Variants in FAM184A observed in about 807,000 individuals in gnomAD.
The protein encoded by FAM184A is family with sequence similarity 184 member A.
Under a neutral mutation model 143.8 loss-of-function variants are expected in FAM184A, and 99 were observed. The observed-to-expected ratio is 0.69, with a 90% CI of 0.58 to 0.81. FAM184A has a LOEUF of 0.81. FAM184A is among the 40% of genes least tolerant of loss of function. The pLI is 0.00. For synonymous variants in FAM184A, 427 were observed against 446.4 expected (o/e 0.96, Z 0.55); for missense variants, 1,217 against 1,310.5 (o/e 0.93, Z 1.10).
At chr6:119,101,571 A>G (rs965306943) in intron 1 of FAM184A, among the ~76,000 whole-genome samples, 3 of 152,196 alleles carry the variant, frequency 2.0e-5, no homozygotes, top group African/African-American at 7.2e-5. Flanking sequence ...CACCATACCC[A>G]CATTTGTCTT....
At chr6:119,057,832 CTCTCT>C (rs1248133017) in intron 1 of FAM184A, 1 of 125,414 alleles carries the variant, frequency 8.0e-6, no homozygotes, top group Non-Finnish European at 1.6e-5. Flanking sequence ...ACATTACCAA[CTCTCT>C]TCTGTGTTTT....
chr6:119,014,810 G>A (rs1441863274), intron 5 of FAM184A, among the ~76,000 whole-genome samples: 1 of 152,184 alleles, frequency 6.6e-6, no homozygotes, highest in Admixed American at 6.5e-5. Context: ...TATAATTCCA[G>A]CATTTTGGGA....
intron 1 of FAM184A, among the ~76,000 whole-genome samples, chr6:119,049,162 C>T (rs1786648001): frequency 2.0e-5 from 3 of 152,130 alleles, no homozygotes; most frequent in South Asian, 2.1e-4. Flanking sequence ...AAAACAGACA[C>T]ATACGCCAGG....
chr6:119,070,375 C>A (rs1787637316), intron 1 of FAM184A, among the ~76,000 whole-genome samples: 1 of 151,930 alleles, frequency 6.6e-6, no homozygotes, highest in Non-Finnish European at 1.5e-5. Context: ...TTAAGCATAC[C>A]AAAATACAAC....
chr6:119,030,440 T>A (rs187317396), intron 1 of FAM184A, among the ~76,000 whole-genome samples: 96 of 152,082 alleles, frequency 6.3e-4, no homozygotes, highest in Non-Finnish European at 8.8e-5. Context: ...ATATAAAAAT[T>A]CCCTATGTTC....
At chr6:118,964,165 A>G (rs182712517) in intron 16 of FAM184A, among the ~76,000 whole-genome samples, 3 of 152,186 alleles carry the variant, frequency 2.0e-5, no homozygotes, top group African/African-American at 7.2e-5. Flanking sequence ...TCTCCAAAAC[A>G]AAAACAAAAA....
rs765851280 is a variant in FAM184A at position 119,003,522 on chromosome 6, A to G, written c.1916T>C (p.Ile639Thr). 1.2e-6 allele frequency: 2 copies of G among 1,611,840 alleles called. No homozygotes were observed. Among genetic ancestry groups the G allele is most frequent in the African/African-American group, 2.7e-5 (2 of 74,846 alleles). The change falls in exon 8 of 18, where the codon ATT (isoleucine) becomes ACT (threonine). Residue 639 changes from isoleucine to threonine, a missense_variant. Coordinates refer to ENST00000338891, the MANE Select transcript of FAM184A (RefSeq NM_024581.6). ...KVDKMAHDLE[I>T]KWTENLRQEC... ...GTACCTAAGATTTTCAGTCCACTTA[A>G]TTTCTAAGTCATGGGCCATTTTGTC...
At chr6:119,106,309 T>G (rs1222413269) in intron 1 of FAM184A, among the ~76,000 whole-genome samples, 7 of 89,068 alleles carry the variant, frequency 7.9e-5, no homozygotes, top group Non-Finnish European at 1.5e-4. Context: ...GGAGAATGGC[T>G]TGAACCCAGG....
intron 9 of FAM184A, among the ~76,000 whole-genome samples, chr6:119,001,033 G>C (rs1224798025): frequency 1.3e-5 from 2 of 150,574 alleles, no homozygotes; most frequent in African/African-American, 4.9e-5. Flanking sequence ...CAAAGGAGTC[G>C]AGACAACAAG....
At chr6:119,113,973 A>G (rs915333053) in intron 1 of FAM184A, among the ~76,000 whole-genome samples, 2 of 152,176 alleles carry the variant, frequency 1.3e-5, no homozygotes, top group East Asian at 3.8e-4. Flanking sequence ...CATTTATTAC[A>G]GTATATTGTT....
At chr6:119,039,650 G>A (rs1786244580) in intron 1 of FAM184A, among the ~76,000 whole-genome samples, 1 of 152,180 alleles carries the variant, frequency 6.6e-6, no homozygotes, top group South Asian at 2.1e-4. Context: ...AGTGTTACAG[G>A]TATCATAGCT....
intron 1 of FAM184A, among the ~76,000 whole-genome samples, chr6:119,089,940 A>G (rs1024088619): frequency 2.6e-5 from 4 of 152,206 alleles, no homozygotes; most frequent in African/African-American, 9.7e-5. Flanking sequence ...AAAATGTTTG[A>G]TACATAATAC....
At chr6:119,072,657 T>A (rs1395943869) in intron 1 of FAM184A, among the ~76,000 whole-genome samples, 1 of 152,230 alleles carries the variant, frequency 6.6e-6, no homozygotes, top group East Asian at 1.9e-4. Context: ...CACAAGGCTT[T>A]TTTATATTTG....
intron 1 of FAM184A, among the ~76,000 whole-genome samples, chr6:119,067,300 C>T (rs1207071379): frequency 1.3e-5 from 2 of 152,192 alleles, no homozygotes; most frequent in East Asian, 3.9e-4. Flanking sequence ...CAAAGTCACA[C>T]TCATGTGAGG....
At chr6:119,106,113 C>T (rs1788770335) in intron 1 of FAM184A, among the ~76,000 whole-genome samples, 1 of 152,150 alleles carries the variant, frequency 6.6e-6, no homozygotes, top group South Asian at 2.1e-4. Context: ...CAAACTGATG[C>T]CGGGCGCAGT....
intron 9 of FAM184A, among the ~76,000 whole-genome samples, chr6:118,984,149 TAA>T (rs530813071): frequency 0.026 from 2,931 of 111,900 alleles, 125 homozygotes; most frequent in African/African-American, 0.096. Context: ...AAACTCCATT[TAA>T]AAAAAAAATA....
Position 119,078,025 on chromosome 6 carries a change from CGGA to C in FAM184A, c.159+113_159+115del, listed in dbSNP as rs947551167. The C allele has an allele frequency of 4.9e-6, 6 of 1,220,992 alleles. No individual in the cohort carries two copies. In the Admixed American group the frequency reaches 1.3e-4, roughly 27 times the overall value. The allele number at this position is 1,220,992 out of a possible 1,614,324, so 75.6% of individuals were successfully genotyped here. A position where few individuals can be genotyped will look rare whatever the true frequency, so the allele number is the denominator to read the frequency against. ...GAGGTGTCTCCGGCTGTTGCTTCGG[CGGA>C]GGAGTAGAGTTCCCCTCGCTGCGGG... On this transcript the variant is annotated intron_variant, in intron 1 of 17. Transcript: ENST00000338891. The surrounding 1 kb of genome is among the most constrained non-coding windows in gnomAD (Gnocchi z 5.5).
intron 1 of FAM184A, among the ~76,000 whole-genome samples, chr6:119,055,311 T>C (rs1005578602): frequency 3.3e-5 from 5 of 152,312 alleles, no homozygotes; most frequent in Admixed American, 1.3e-4. Flanking sequence ...AACAGTTGGG[T>C]TGTTTCCATT....
At chr6:119,073,589 A>G (rs1283776839) in intron 1 of FAM184A, among the ~76,000 whole-genome samples, 5 of 152,152 alleles carry the variant, frequency 3.3e-5, no homozygotes, top group Non-Finnish European at 5.9e-5. Context: ...TAGGTTTCAG[A>G]GATTTCCCTG....
Sources: gnomAD v4.1 joint callset for allele counts (sites outside exome capture counted in the v4.1 genomes callset) on GRCh38, gnomAD v4.1.1 for gene constraint, Gnocchi (gnomAD v3.1) non-coding constraint, MANE v1.5 for transcripts, NCBI Gene and HGNC (gene_info 2026-07-23, HGNC 2026-07-21) for gene names.